Variants in UBE2L6 observed in about 807,000 individuals in gnomAD.
The protein encoded by UBE2L6 is ubiquitin/ISG15-conjugating enzyme E2 L6.
A neutral mutation model predicts 13.6 loss-of-function variants in UBE2L6; 11 were observed. The observed-to-expected ratio is 0.81, with a 90% CI of 0.51 to 1.34. The LOEUF (loss-of-function observed/expected upper bound fraction) is 1.34, where lower values mean the gene tolerates loss of function less well. Among genes scored for constraint, UBE2L6 ranks in the 40% most tolerant of loss-of-function variants. The pLI is 0.00. For missense variants in UBE2L6, 197 were observed against 199.5 expected, an observed-to-expected ratio of 0.99 and a Z score of 0.07; for synonymous variants, 74 against 83.2, an observed-to-expected ratio of 0.89 and a Z score of 0.60.
Position 57,552,456 on chromosome 11 carries a change from G to T in UBE2L6, c.364C>A (p.Arg122=). ...GTCAGCAGGTCAGCGAGGTCCATCC[G>T]CAGGGGCTCCCTGATATTCGGTCTA... The part of the protein sequence containing the change: ...VNRPNIREPL[R]MDLADLLTQN... Residue 122 remains arginine, a synonymous_variant, in exon 4 of 4, where the codon CGG becomes AGG. Coordinates refer to ENST00000287156, the MANE Select transcript of UBE2L6 (RefSeq NM_004223.5). 1.2e-6 allele frequency: 2 copies of T among 1,614,148 alleles called. No homozygotes were observed. Among genetic ancestry groups the T allele is most frequent in the Admixed American group, 1.7e-5 (1 of 60,012 alleles).
At chr11:57,552,657 G>T in intron 3 of UBE2L6, 148 bp from the exon 4 acceptor site, 1 of 1,017,448 alleles carries the variant, frequency 9.8e-7, no homozygotes, top group Non-Finnish European at 1.4e-6. Flanking sequence ...CAAACGCCCC[G>T]CTCATTCTTG....
At chr11:57,561,110 C>A (rs1945042939) in intron 1 of UBE2L6, among the ~76,000 whole-genome samples, 1 of 152,154 alleles carries the variant, frequency 6.6e-6, no homozygotes. Context: ...CCTAGAAAGT[C>A]ACTAGGTTCT....
chr11:57,560,034 TTTC>T lies in UBE2L6; in HGVS notation c.123+300_123+302del, dbSNP rs553779143. Among the ~76,000 whole-genome samples, 16 of 152,320 alleles carry T rather than the reference TTTC, an allele frequency of 1.1e-4. No individual in the cohort carries two copies. The South Asian group carries it at 1.5e-3, about 14-fold the overall frequency. ...TTGACAAAGGTCCAAGAAATCTTTA[TTTC>T]TTCTTCTTTTTGATGCTGTTTGTCT... On this transcript the variant is annotated intron_variant, in intron 2 of 3. Transcript: ENST00000287156.
intron 1 of UBE2L6, among the ~76,000 whole-genome samples, chr11:57,561,128 T>C (rs186163290): frequency 6.6e-6 from 1 of 152,298 alleles, no homozygotes; most frequent in Admixed American, 6.5e-5. Flanking sequence ...TCTAATTCCC[T>C]TCCTCTCTTC....
chr11:57,562,134 C>A (rs1435727088), intron 1 of UBE2L6, among the ~76,000 whole-genome samples: 2 of 152,242 alleles, frequency 1.3e-5, no homozygotes, highest in Non-Finnish European at 2.9e-5. Context: ...TCACCACAAG[C>A]TGACTGAAGG....
chr11:57,565,277 A>T (rs1194217117), intron 1 of UBE2L6, among the ~76,000 whole-genome samples: 3 of 151,912 alleles, frequency 2.0e-5, no homozygotes. Context: ...GGAGAGAGAA[A>T]GAAAGAAGGA....
chr11:57,556,223 C>T (rs1455348991), intron 2 of UBE2L6, among the ~76,000 whole-genome samples: 3 of 151,886 alleles, frequency 2.0e-5, no homozygotes, highest in Non-Finnish European at 4.4e-5. Flanking sequence ...CGGTGCCTCA[C>T]GTTTGTAATC....
chr11:57,567,306 A>G (rs1945100275), intron 1 of UBE2L6: 2 of 556,404 alleles, frequency 3.6e-6, no homozygotes, highest in African/African-American at 3.8e-5. Context: ...AGTTTCAGGC[A>G]GGAAAAGCGA....
At chr11:57,556,292 T>C (rs1171254853) in intron 2 of UBE2L6, among the ~76,000 whole-genome samples, 1 of 152,104 alleles carries the variant, frequency 6.6e-6, no homozygotes, top group Non-Finnish European at 1.5e-5. Flanking sequence ...ACTAGCCATG[T>C]GATCTAACTA....
At chr11:57,558,931 T>C (rs945378347) in intron 2 of UBE2L6, among the ~76,000 whole-genome samples, 1 of 152,254 alleles carries the variant, frequency 6.6e-6, no homozygotes, top group African/African-American at 2.4e-5. Context: ...AGGACTCCTA[T>C]ATGGCTGGAA....
At chr11:57,564,155 T>C (rs1945068106) in intron 1 of UBE2L6, among the ~76,000 whole-genome samples, 1 of 152,142 alleles carries the variant, frequency 6.6e-6, no homozygotes, top group African/African-American at 2.4e-5. Flanking sequence ...AGGCATTTAA[T>C]AATCAATCTC....
intron 1 of UBE2L6, among the ~76,000 whole-genome samples, chr11:57,562,922 C>T (rs1945058352): frequency 6.6e-6 from 1 of 152,110 alleles, no homozygotes. Flanking sequence ...ATACCTAACT[C>T]CTTAGTGCCC....
At chr11:57,566,065 C>T (rs770624384) in intron 1 of UBE2L6, among the ~76,000 whole-genome samples, 16 of 152,134 alleles carry the variant, frequency 1.1e-4, no homozygotes, top group Non-Finnish European at 4.4e-5. Flanking sequence ...TTACCCCAAA[C>T]TAGAAGCATC....
chr11:57,552,465 C>T lies in UBE2L6; in HGVS notation c.355G>A (p.Glu119Lys). 3 of 1,614,172 alleles carry T rather than the reference C, an allele frequency of 1.9e-6. No homozygotes were observed. The highest frequency in any genetic ancestry group is 2.5e-6 in the Non-Finnish European group (3 of 1,180,024). Residue 119 changes from glutamate to lysine, a missense_variant, in exon 4 of 4, where the codon GAG becomes AAG. Transcript: ENST00000287156. ...NVLVNRPNIREPLRMDLADLL... is the reference protein window; with the variant it reads ...NVLVNRPNIRKPLRMDLADLL... The stretch of plus-strand genomic sequence containing the variant: ...TCAGCGAGGTCCATCCGCAGGGGCT[C>T]CCTGATATTCGGTCTATTCACCAGC...
At chr11:57,560,916 A>G (rs1024527379) in intron 1 of UBE2L6, among the ~76,000 whole-genome samples, 4 of 151,598 alleles carry the variant, frequency 2.6e-5, no homozygotes, top group African/African-American at 9.7e-5. Flanking sequence ...TACCGCGCCC[A>G]GCCGGTGCTG....
intron 1 of UBE2L6, among the ~76,000 whole-genome samples, chr11:57,565,958 G>GCC (rs1056218102): frequency 5.4e-5 from 6 of 110,122 alleles, no homozygotes; most frequent in African/African-American, 1.8e-4. Context: ...CACATCCCAT[G>GCC]CCCCCCTCCT....
At chr11:57,560,485 C>T (rs2135278750) in intron 1 of UBE2L6, 53 bp from the exon 2 acceptor site, 1 of 1,366,298 alleles carries the variant, frequency 7.3e-7, no homozygotes, top group Non-Finnish European at 1.0e-6. Context: ...TTATTTCAGC[C>T]CCCTCCCCCT....
chr11:57,559,616 A>T (rs1269656954), intron 2 of UBE2L6, among the ~76,000 whole-genome samples: 2 of 152,220 alleles, frequency 1.3e-5, no homozygotes. Flanking sequence ...TCTCAAAAAA[A>T]AAAACAAGTC....
At chr11:57,563,454 C>A (rs1945062113) in intron 1 of UBE2L6, among the ~76,000 whole-genome samples, 1 of 145,652 alleles carries the variant, frequency 6.9e-6, no homozygotes, top group Non-Finnish European at 1.5e-5. Flanking sequence ...GCACTCCAGC[C>A]TGGGCAACAA....
Sources: allele counts gnomAD v4.1 joint callset (sites outside exome capture counted in the v4.1 genomes callset), GRCh38; gene constraint gnomAD v4.1.1; transcripts MANE v1.5; gene names NCBI Gene and HGNC (gene_info 2026-07-23, HGNC 2026-07-21).